NSUN6: variants seen among roughly 807,000 people sequenced by gnomAD.
The protein encoded by NSUN6 is NOP2/Sun RNA methyltransferase 6.
In NSUN6, 64 loss-of-function variants were observed where a neutral mutation model predicts 58.0. The ratio of observed to expected loss-of-function variants is 1.10; its 90% CI spans 0.90 to 1.36. NSUN6 has a LOEUF of 1.36. Ranked by LOEUF, NSUN6 falls within the 40% of genes most tolerant of loss-of-function variation. The pLI is 0.00. For synonymous variants in NSUN6, 231 were observed against 193.9 expected (o/e 1.19, Z -1.59); for missense variants, 701 against 550.1 (o/e 1.27, Z -2.74).
At chr10:18,560,127 C>T (rs957710722) in intron 8 of NSUN6, among the ~76,000 whole-genome samples, 18 of 134,004 alleles carry the variant, frequency 1.3e-4, no homozygotes, top group South Asian at 4.8e-4. Context: ...GGAATGGAAT[C>T]GAGAATGCAG....
At chr10:18,582,146 G>C (rs2056932168) in intron 8 of NSUN6, among the ~76,000 whole-genome samples, 1 of 152,150 alleles carries the variant, frequency 6.6e-6, no homozygotes. Context: ...GCCAACTCCT[G>C]AGATCTTATC....
In NSUN6 at chr10:18,625,809, T is replaced by G. The variant is rs1196215371; in HGVS notation, c.312-9516A>C. Reference sequence around the variant, plus strand: ...ATTACACTGGCTAAATGTCTAAAGTTGAATAACTAAGAATTCCACAGATCT... The same window carrying G: ...ATTACACTGGCTAAATGTCTAAAGTGGAATAACTAAGAATTCCACAGATCT... On this transcript the variant is annotated intron_variant, in intron 3 of 10. Coordinates refer to ENST00000377304, the MANE Select transcript of NSUN6 (RefSeq NM_182543.5). Among the ~76,000 whole-genome samples, 3 of 150,218 alleles carry G rather than the reference T, an allele frequency of 2.0e-5. No individual in the cohort carries two copies. The East Asian group carries it at 5.9e-4, about 29-fold the overall frequency.
intron 8 of NSUN6, 72 bp downstream of exon 8, chr10:18,585,877 G>A: frequency 8.7e-7 from 1 of 1,151,976 alleles, no homozygotes. Context: ...TTATATACAT[G>A]TCAAAACATC....
At chr10:18,655,908 T>C (rs1305124899), upstream of NSUN6, among the ~76,000 whole-genome samples, 1 of 152,200 alleles carries the variant, frequency 6.6e-6, no homozygotes, top group African/African-American at 2.4e-5. Context: ...ATGTCAATTC[T>C]CATTGATTGA....
At chr10:18,563,512 T>C (rs1267004071) in intron 8 of NSUN6, among the ~76,000 whole-genome samples, 1 of 150,614 alleles carries the variant, frequency 6.6e-6, no homozygotes, top group East Asian at 2.0e-4. Context: ...TGGAATGGAA[T>C]ATGGGATAGA....
At chr10:18,584,670 T>A (rs1393604403) in intron 8 of NSUN6, among the ~76,000 whole-genome samples, 1 of 151,694 alleles carries the variant, frequency 6.6e-6, no homozygotes, top group Non-Finnish European at 1.5e-5. Context: ...AATGTACACA[T>A]CCAAAAAGAA....
At chr10:18,571,741 C>T (rs1004075526) in intron 8 of NSUN6, among the ~76,000 whole-genome samples, 2 of 151,482 alleles carry the variant, frequency 1.3e-5, no homozygotes, top group African/African-American at 4.8e-5. Flanking sequence ...CATTCCATTC[C>T]ATTCCATTCT....
intron 8 of NSUN6, among the ~76,000 whole-genome samples, chr10:18,570,650 ATCCAT>A (rs1162254038): frequency 4.9e-5 from 6 of 122,706 alleles, no homozygotes; most frequent in African/African-American, 1.6e-4. Context: ...CCATACCATC[ATCCAT>A]TCCATTCCAT....
upstream of NSUN6, among the ~76,000 whole-genome samples, chr10:18,656,129 T>C (rs1187007979): frequency 1.3e-5 from 2 of 152,188 alleles, no homozygotes; most frequent in Non-Finnish European, 2.9e-5. Context: ...TCAATAGATA[T>C]TTACAGAAGG....
chr10:18,548,069 G>A, intron 10 of NSUN6, 43 bp downstream of exon 10: 1 of 1,597,892 alleles, frequency 6.3e-7, no homozygotes, highest in Non-Finnish European at 8.6e-7. Flanking sequence ...TTCAGTTTCT[G>A]TGATTTATCT....
Position 18,585,033 on chromosome 10 carries a change from A to C in NSUN6, c.922+916T>G, listed in dbSNP as rs190812858. Among the ~76,000 whole-genome samples the C allele has an allele frequency of 2.8e-3, 419 of 152,048 alleles. 5 individuals carry two copies. The highest frequency in any genetic ancestry group is 9.5e-3 in the African/African-American group (394 of 41,474). Reference sequence around the variant, plus strand: ...AAAGAGAGAGAAGGACCTAACAGACATACAAATAGCCAACAAGTTTATGAA... The same window carrying C: ...AAAGAGAGAGAAGGACCTAACAGACCTACAAATAGCCAACAAGTTTATGAA... On this transcript the variant is annotated intron_variant, in intron 8 of 10. Transcript: ENST00000377304.
chr10:18,652,760 A>C (rs1427770636), upstream of NSUN6: 26 of 418,542 alleles, frequency 6.2e-5, no homozygotes, highest in Non-Finnish European at 8.0e-5. Flanking sequence ...GGGTTTCACC[A>C]TGCTGGCCAG....
chr10:18,638,428 T>C (rs2059287396), intron 3 of NSUN6, among the ~76,000 whole-genome samples: 1 of 151,884 alleles, frequency 6.6e-6, no homozygotes, highest in South Asian at 2.1e-4. Flanking sequence ...GGCAACAGAG[T>C]GAGCCTCCAT....
Position 18,600,963 on chromosome 10 carries a change from T to TATAC in NSUN6, c.658-4637_658-4636insGTAT, listed in dbSNP as rs1332025109. Among the ~76,000 whole-genome samples, 10 of 71,506 alleles carry TATAC rather than the reference T, an allele frequency of 1.4e-4. 1 individual carries two copies. The highest frequency in any genetic ancestry group is 4.7e-4 in the African/African-American group (10 of 21,344). The allele number at this position is 71,506 out of a possible 152,430, so 46.9% of individuals were successfully genotyped here. A position where few individuals can be genotyped will look rare whatever the true frequency, so the allele number is the denominator to read the frequency against. ...AAAAATATATATATATATATATACA[T>TATAC]ATATATATATATATGTATATATATA... On this transcript the variant is annotated intron_variant, in intron 6 of 10. Coordinates refer to ENST00000377304, the MANE Select transcript of NSUN6 (RefSeq NM_182543.5).
chr10:18,552,443 G>C (rs1004659841), intron 8 of NSUN6, among the ~76,000 whole-genome samples: 2 of 152,134 alleles, frequency 1.3e-5, no homozygotes, highest in Non-Finnish European at 2.9e-5. Flanking sequence ...AGAATAGGGA[G>C]AATGAGCCAG....
chr10:18,553,754 TGG>T (rs1466288208), intron 8 of NSUN6, among the ~76,000 whole-genome samples: 1 of 149,148 alleles, frequency 6.7e-6, no homozygotes, highest in African/African-American at 2.5e-5. Flanking sequence ...GAATGCTGAA[TGG>T]AATGGAGAAT....
At chr10:18,572,428 C>A (rs2056420404) in intron 8 of NSUN6, among the ~76,000 whole-genome samples, 1 of 143,870 alleles carries the variant, frequency 7.0e-6, no homozygotes, top group South Asian at 2.1e-4. Flanking sequence ...ATTCCATTCC[C>A]CATTCCATTG....
Position 18,585,941 on chromosome 10 carries a change from T to C in NSUN6, c.922+8A>G, listed in dbSNP as rs986431542. On this transcript the variant is annotated splice_region_variant and intron_variant, in intron 8 of 10. Coordinates refer to ENST00000377304, the MANE Select transcript of NSUN6 (RefSeq NM_182543.5). ...TCAATTAAAAATAAGAAAATCAAAA[T>C]AGCTCACCTTCTGTGTCCTCCACCA... 3.8e-6 allele frequency: 6 copies of C among 1,580,376 alleles called. No homozygotes were observed. Among genetic ancestry groups the C allele is most frequent in the African/African-American group, 1.4e-5 (1 of 72,880 alleles).
At chr10:18,643,269 T>C (rs545299941) in intron 2 of NSUN6, among the ~76,000 whole-genome samples, 10 of 151,178 alleles carry the variant, frequency 6.6e-5, no homozygotes, top group African/African-American at 2.2e-4. Flanking sequence ...CAGAAGACAA[T>C]TGGACACCCT....
Sources: allele counts gnomAD v4.1 joint callset (sites outside exome capture counted in the v4.1 genomes callset), GRCh38; gene constraint gnomAD v4.1.1; transcripts MANE v1.5; gene names NCBI Gene and HGNC (gene_info 2026-07-23, HGNC 2026-07-21).